Variants in ANO1 observed in about 807,000 individuals in gnomAD.
The protein encoded by ANO1 is anoctamin 1, also known as anoctamin-1.
Under a neutral mutation model 124.0 loss-of-function variants are expected in ANO1, and 59 were observed. The observed-to-expected ratio is 0.48, with a 90% CI of 0.39 to 0.59. ANO1 has a LOEUF of 0.59. Ranked by LOEUF, ANO1 falls within the 20% of genes least tolerant of loss-of-function variation. ANO1 has a pLI of 0.00. For synonymous variants in ANO1, 529 were observed against 532.0 expected (o/e 0.99, Z 0.08); for missense variants, 1,059 against 1,328.0 (o/e 0.80, Z 3.15).
intron 1 of ANO1, among the ~76,000 whole-genome samples, chr11:70,085,847 GC>G (rs1365885086): frequency 6.6e-6 from 1 of 152,242 alleles, no homozygotes; most frequent in Non-Finnish European, 1.5e-5. Flanking sequence ...GTTGTATACA[GC>G]CCACCTGCCT....
intron 2 of ANO1, among the ~76,000 whole-genome samples, chr11:70,089,770 G>A (rs999656997): frequency 2.0e-5 from 3 of 152,176 alleles, no homozygotes; most frequent in African/African-American, 7.2e-5. Context: ...GGCGAGCAGT[G>A]GATTCCTGAT....
intron 1 of ANO1, among the ~76,000 whole-genome samples, chr11:69,987,591 C>A (rs1170872287): frequency 2.4e-5 from 3 of 123,358 alleles, no homozygotes; most frequent in Admixed American, 9.4e-5. Flanking sequence ...GGTAACAGAG[C>A]AAGACCATGT....
intron 12 of ANO1, among the ~76,000 whole-genome samples, chr11:70,151,006 G>T (rs375567307): frequency 6.6e-6 from 1 of 152,202 alleles, no homozygotes; most frequent in African/African-American, 2.4e-5. Flanking sequence ...TCTGGGAGAG[G>T]CACAGCAGCT....
intron 6 of ANO1, 135 bp downstream of exon 6, chr11:70,108,539 C>G: frequency 1.0e-6 from 1 of 979,360 alleles, no homozygotes; most frequent in Non-Finnish European, 1.6e-6. Flanking sequence ...TGTAACAGTT[C>G]CAGACAAGAG....
chr11:70,098,342 A>G (rs1315102791), intron 2 of ANO1, among the ~76,000 whole-genome samples: 2 of 152,180 alleles, frequency 1.3e-5, no homozygotes, highest in African/African-American at 4.8e-5. Flanking sequence ...CCCTGCACCC[A>G]GTGGCCTGGA....
At position 70,161,328 on chromosome 11, in the gene ANO1, G is replaced by A. The variant is rs1461221153; in HGVS notation, c.1746G>A (p.Val582=). The A allele has an allele frequency of 1.2e-6, 2 of 1,613,908 alleles. No individual in the cohort carries two copies. The highest frequency in any genetic ancestry group is 1.7e-6 in the Non-Finnish European group (2 of 1,179,912). Reference sequence around the variant, plus strand: ...TGGTCATCATCCTCCTGGACGAGGTGTATGGCTGCATAGCCCGATGGCTCA... The same window carrying A: ...TGGTCATCATCCTCCTGGACGAGGTATATGGCTGCATAGCCCGATGGCTCA... ...NLVVIILLDE[V]YGCIARWLTK... is the part of the protein sequence containing the mutation. Residue 582 remains valine, a synonymous_variant, in exon 17 of 26, where the codon GTG becomes GTA. Transcript: ENST00000355303.
chr11:70,095,263 G>GGAAGGAAGGAAA (rs2044811682), intron 2 of ANO1, among the ~76,000 whole-genome samples: 1 of 61,470 alleles, frequency 1.6e-5, no homozygotes, highest in Non-Finnish European at 3.4e-5. Flanking sequence ...AAGGAAGGAA[G>GGAAGGAAGGAAA]GAAGGAAGGA....
At chr11:69,985,527 C>A (rs933542750), upstream of ANO1, among the ~76,000 whole-genome samples, 7 of 152,168 alleles carry the variant, frequency 4.6e-5, no homozygotes, top group Non-Finnish European at 8.8e-5. Flanking sequence ...GGAACCAGGG[C>A]CACTCACGGA....
At chr11:70,001,885 T>G (rs769482299) in intron 1 of ANO1, among the ~76,000 whole-genome samples, 1 of 152,120 alleles carries the variant, frequency 6.6e-6, no homozygotes, top group African/African-American at 2.4e-5. Context: ...CTGCAACCTC[T>G]GCTTCTCGAG....
intron 10 of ANO1, chr11:70,129,292 C>CAAGGG (rs1217280446): frequency 6.6e-6 from 1 of 152,242 alleles, no homozygotes; most frequent in African/African-American, 2.4e-5. Flanking sequence ...GGCACTGTTC[C>CAAGGG]AAGGGCCACA....
chr11:70,163,493 A>T, intron 19 of ANO1, 153 bp downstream of exon 19: 2 of 889,632 alleles, frequency 2.2e-6, no homozygotes, highest in Non-Finnish European at 3.6e-6. Flanking sequence ...TGTTCCCCTG[A>T]TGTGGTGGGG....
At chr11:70,059,950 C>CTTTT (rs36021561) in intron 1 of ANO1, among the ~76,000 whole-genome samples, 20 of 75,562 alleles carry the variant, frequency 2.6e-4, no homozygotes, top group Non-Finnish European at 3.8e-4. Context: ...AGGCGTTGGC[C>CTTTT]TTTTTTTTTT....
the ANO1 span, among the ~76,000 whole-genome samples, chr11:69,966,895 A>G: frequency 6.6e-6 from 1 of 152,128 alleles, no homozygotes; most frequent in Non-Finnish European, 1.5e-5. Flanking sequence ...TAGGGTGGCA[A>G]ACAACCCCTC....
chr11:70,092,554 G>A (rs2044674282), intron 2 of ANO1, among the ~76,000 whole-genome samples: 1 of 152,190 alleles, frequency 6.6e-6, no homozygotes, highest in Non-Finnish European at 1.5e-5. Context: ...ACTCCTGGGG[G>A]TCTTGTCAAA....
upstream of ANO1, among the ~76,000 whole-genome samples, chr11:70,076,310 GC>G (rs1361008047): frequency 2.0e-5 from 3 of 152,216 alleles, no homozygotes; most frequent in African/African-American, 7.2e-5. Flanking sequence ...GGGCCACCTT[GC>G]CTAGGAGATG....
At chr11:70,165,251 C>CTGAAAACACCCCAGCA in intron 19 of ANO1, 1 of 565,196 alleles carries the variant, frequency 1.8e-6, no homozygotes, top group East Asian at 3.1e-5. Context: ...GGCGCCCCAT[C>CTGAAAACACCCCAGCA]TGAAAACACC....
chr11:70,172,712 A>C (rs2048524046), intron 22 of ANO1, among the ~76,000 whole-genome samples: 1 of 152,158 alleles, frequency 6.6e-6, no homozygotes, highest in African/African-American at 2.4e-5. Flanking sequence ...TCTACTAAAA[A>C]TACAAAATTA....
intron 16 of ANO1, 43 bp downstream of exon 16, chr11:70,157,064 C>A: frequency 1.3e-6 from 2 of 1,565,208 alleles, no homozygotes; most frequent in Non-Finnish European, 1.8e-6. Context: ...CAGGGGAAAC[C>A]GCAAGGAAGT....
At chr11:70,098,520 G>A (rs764946538) in intron 2 of ANO1, among the ~76,000 whole-genome samples, 69 of 152,290 alleles carry the variant, frequency 4.5e-4, no homozygotes, top group African/African-American at 1.2e-3. Flanking sequence ...CCAGCACCCC[G>A]ACGCCATGAT....
Sources: gnomAD v4.1 joint callset for allele counts (sites outside exome capture counted in the v4.1 genomes callset) on GRCh38, gnomAD v4.1.1 for gene constraint, MANE v1.5 for transcripts, NCBI Gene and HGNC (gene_info 2026-07-23, HGNC 2026-07-21) for gene names.